Variants in DAAM2 observed in about 807,000 individuals in gnomAD.
DAAM2 encodes the protein dishevelled associated activator of morphogenesis 2, also known as disheveled-associated activator of morphogenesis 2.
DAAM2 carries 39 observed loss-of-function variants against 120.7 expected under a neutral mutation model. The ratio of observed to expected loss-of-function variants is 0.32; its 90% CI spans 0.25 to 0.42. The LOEUF is 0.42. DAAM2 is among the 10% of genes least tolerant of loss of function. The pLI is 1.00. For missense variants in DAAM2, 1,283 were observed against 1,401.7 expected, an observed-to-expected ratio of 0.92 and a Z score of 1.35; for synonymous variants, 488 against 524.9, an observed-to-expected ratio of 0.93 and a Z score of 0.96.
intron 4 of DAAM2, among the ~76,000 whole-genome samples, 195 bp downstream of exon 4, chr6:39,864,702 T>A (rs1764353324): frequency 6.6e-6 from 1 of 152,104 alleles, no homozygotes; most frequent in Non-Finnish European, 1.5e-5. Context: ...CTCTGGGCAA[T>A]CTCAGAGTCC....
chr6:39,812,603 C>A (rs1158176342), intron 1 of DAAM2, among the ~76,000 whole-genome samples: 1 of 140,928 alleles, frequency 7.1e-6, no homozygotes, highest in Non-Finnish European at 1.6e-5. Flanking sequence ...CCACCCTGCC[C>A]CTGTCAGCCT....
At chr6:39,834,441 C>T (rs1348231704) in intron 1 of DAAM2, among the ~76,000 whole-genome samples, 1 of 152,166 alleles carries the variant, frequency 6.6e-6, no homozygotes, top group Non-Finnish European at 1.5e-5. Context: ...CTTTGATTTG[C>T]AGCAGTAGCT....
chr6:39,883,283 G>A (rs759346542), intron 14 of DAAM2, among the ~76,000 whole-genome samples: 2 of 151,854 alleles, frequency 1.3e-5, no homozygotes, highest in Non-Finnish European at 2.9e-5. Flanking sequence ...AGAGACCTTG[G>A]AATGTAAAAC....
intron 2 of DAAM2, among the ~76,000 whole-genome samples, chr6:39,859,984 A>C (rs1764147387): frequency 6.6e-6 from 1 of 152,188 alleles, no homozygotes; most frequent in Non-Finnish European, 1.5e-5. Context: ...TGTTATGCTT[A>C]ATTTATGCTT....
At chr6:39,900,976 A>T (rs1343055522) in intron 23 of DAAM2, among the ~76,000 whole-genome samples, 1 of 152,138 alleles carries the variant, frequency 6.6e-6, no homozygotes, top group Non-Finnish European at 1.5e-5. Flanking sequence ...GGATCTTTGA[A>T]GTTCTGAGTT....
intron 1 of DAAM2, among the ~76,000 whole-genome samples, chr6:39,816,127 A>C (rs1287653559): frequency 6.6e-6 from 1 of 152,232 alleles, no homozygotes; most frequent in Non-Finnish European, 1.5e-5. Flanking sequence ...TAGGTATATG[A>C]ATCACACGTT....
rs188463480 is a variant in DAAM2, at chr6:39,903,276, G to A, written c.*1239G>A. The A allele has an allele frequency of 6.6e-6, 1 of 152,596 alleles. No homozygotes were observed. The highest frequency in any genetic ancestry group is 1.9e-4 in the East Asian group (1 of 5,190). 9.5% of individuals were successfully genotyped at this position (152,596 alleles called of 1,614,324 possible). On this transcript the variant is annotated 3_prime_UTR_variant, in exon 25 of 25. Coordinates refer to ENST00000274867, the MANE Select transcript of DAAM2 (RefSeq NM_001201427.2). The stretch of plus-strand genomic sequence containing the variant: ...AAGGGAAACTGGGGAGATGGGGATG[G>A]AGGAGGAAGGCTGATATCCTCTGGG...
chr6:39,811,778 G>A (rs547174887), intron 1 of DAAM2, among the ~76,000 whole-genome samples: 2 of 152,174 alleles, frequency 1.3e-5, no homozygotes, highest in Non-Finnish European at 2.9e-5. Context: ...TTGGCGGGGG[G>A]ATCTGAGAAG....
intron 4 of DAAM2, 111 bp from the exon 5 acceptor site, chr6:39,864,869 A>C: frequency 7.4e-7 from 1 of 1,356,752 alleles, no homozygotes; most frequent in Non-Finnish European, 1.0e-6. Context: ...TCAGTAAACC[A>C]TTCCCTGAGG....
chr6:39,903,204 T>C lies in DAAM2; in HGVS notation c.*1167T>C, dbSNP rs868039936. The C allele has an allele frequency of 6.6e-6, 1 of 152,306 alleles. No individual in the cohort carries two copies. The highest frequency in any genetic ancestry group is 1.5e-5 in the Non-Finnish European group (1 of 68,086). The allele number at this position is 152,306 out of a possible 1,614,324, so 9.4% of individuals were successfully genotyped here. On this transcript the variant is annotated 3_prime_UTR_variant, in exon 25 of 25. Transcript: ENST00000274867. ...TACATTAACATGCTGTCTCTAAGGG[T>C]GGCCCCTCCTCTCAGGCGTTCAGAT...
intron 15 of DAAM2, chr6:39,886,144 CT>C (rs1158911035): frequency 5.7e-6 from 2 of 353,516 alleles, no homozygotes; most frequent in Non-Finnish European, 1.0e-5. Flanking sequence ...GGGGTTTGGT[CT>C]GCCCTAACTG....
At position 39,865,091 on chromosome 6, in the gene DAAM2, C is replaced by T. The variant is rs1764371921; in HGVS notation, c.428+17C>T. The T allele has an allele frequency of 7.1e-7, 1 of 1,409,618 alleles. No individual in the cohort carries two copies. The allele number at this position is 1,409,618 out of a possible 1,614,324, so 87.3% of individuals were successfully genotyped here. A position where few individuals can be genotyped will look rare whatever the true frequency, so the allele number is the denominator to read the frequency against. On this transcript the variant is annotated intron_variant, in intron 5 of 24. Transcript: ENST00000274867. ...GCCTATGAGGTAATTCAGTTTCCCC[C>T]TCTTGCTTCCTGCTGAGTCCCTTCA...
chr6:39,875,231 G>C (rs935571204), intron 10 of DAAM2, 99 bp from the exon 11 acceptor site: 11 of 1,341,678 alleles, frequency 8.2e-6, no homozygotes, highest in Non-Finnish European at 1.1e-5. Flanking sequence ...AGGTGGAGAA[G>C]GGCATGCCTC....
intron 1 of DAAM2, among the ~76,000 whole-genome samples, chr6:39,838,793 A>G: frequency 6.6e-6 from 1 of 152,008 alleles, no homozygotes; most frequent in Non-Finnish European, 1.5e-5. Flanking sequence ...TGAGTAGCTG[A>G]GATTACAGGC....
intron 1 of DAAM2, among the ~76,000 whole-genome samples, chr6:39,797,777 G>A (rs1012848016): frequency 6.6e-6 from 1 of 152,242 alleles, no homozygotes; most frequent in African/African-American, 2.4e-5. Flanking sequence ...CCCTATGAGG[G>A]TGCAGACTTC....
At chr6:39,868,067 G>T in intron 6 of DAAM2, 2 of 557,832 alleles carry the variant, frequency 3.6e-6, no homozygotes, top group East Asian at 2.9e-5. Context: ...GCTGGGAAAT[G>T]GACTTGTCTT....
chr6:39,807,205 G>A (rs3008795), intron 1 of DAAM2, among the ~76,000 whole-genome samples: 57,552 of 149,202 alleles, frequency 0.39, 13,001 homozygotes, highest in Non-Finnish European at 0.49. Context: ...AAAAAAAAGG[G>A]TGCTAGACAT....
At position 39,797,624 on chromosome 6, in the gene DAAM2, G is replaced by A. The variant is rs551438588; in HGVS notation, c.-57+5159G>A. On this transcript the variant is annotated intron_variant, in intron 1 of 24. Transcript: ENST00000274867. ...GACTCCTTGGGAATGGAACCTAGGC[G>A]TCCACAGTTCTGTAAGCTTCCCAGG... 1.7e-4 allele frequency among the ~76,000 whole-genome samples: 26 copies of A among 152,294 alleles called. No individual in the cohort carries two copies. In the South Asian group the frequency reaches 4.1e-3, roughly 24 times the overall value.
intron 1 of DAAM2, among the ~76,000 whole-genome samples, chr6:39,848,290 A>G (rs894584738): frequency 3.9e-5 from 6 of 152,080 alleles, no homozygotes; most frequent in Non-Finnish European, 7.4e-5. Flanking sequence ...GATACCCAGA[A>G]CATTGCTTTA....
Sources: allele counts gnomAD v4.1 joint callset (sites outside exome capture counted in the v4.1 genomes callset), GRCh38; gene constraint gnomAD v4.1.1; transcripts MANE v1.5; gene names NCBI Gene and HGNC (gene_info 2026-07-23, HGNC 2026-07-21).